The following EDA2R variants were observed in gnomAD, a reference collection of about 807,000 sequenced individuals.
The protein encoded by EDA2R is tumor necrosis factor receptor superfamily member 27.
Under a neutral mutation model 20.1 loss-of-function variants are expected in EDA2R, and 26 were observed. That is an observed-to-expected ratio of 1.30 (90% CI 0.95 to 1.80). EDA2R has a LOEUF of 1.80. EDA2R is among the 40% of genes most tolerant of loss of function. EDA2R has a pLI of 0.00. For missense variants in EDA2R, 277 were observed against 228.7 expected (o/e 1.21, Z -1.36); for synonymous variants, 114 against 88.7 (o/e 1.29, Z -1.60).
At chrX:66,611,696 A>G (rs1930766778) in intron 2 of EDA2R, among the ~76,000 whole-genome samples, 1 of 111,294 alleles carries the variant, frequency 9.0e-6, no homozygotes, top group Admixed American at 9.6e-5. Flanking sequence ...CTATGAGACT[A>G]TAACAAAATA....
chrX:66,618,603 G>A (rs936358693), intron 1 of EDA2R, among the ~76,000 whole-genome samples: 7 of 112,019 alleles, frequency 6.2e-5, no homozygotes, highest in Non-Finnish European at 1.1e-4. Context: ...GTTCCCAAGA[G>A]TAGAGACCAC....
intron 1 of EDA2R, among the ~76,000 whole-genome samples, chrX:66,620,306 C>G (rs1047261021): frequency 9.0e-6 from 1 of 111,261 alleles, no homozygotes; most frequent in African/African-American, 3.3e-5. Context: ...ATACTATGGT[C>G]AATGGATTTT....
At position 66,597,796 on chromosome X, in the gene EDA2R, C is replaced by T. The variant is rs1927724090; in HGVS notation, c.*308G>A. The T allele has an allele frequency of 6.9e-6, 1 of 145,612 alleles. No individual in the cohort carries two copies. The highest frequency in any genetic ancestry group is 3.1e-5 in the African/African-American group (1 of 31,860). 12.0% of individuals were successfully genotyped at this position (145,612 alleles called of 1,213,427 possible). A position where few individuals can be genotyped will look rare whatever the true frequency, so the allele number is the denominator to read the frequency against. On this transcript the variant is annotated 3_prime_UTR_variant, in exon 7 of 7. Transcript: ENST00000374719. ...GACCAAAAATGCAGACATGAAAACCCTACCCCATTCACTGTCCTCTCTCCT... is the reference window on the plus strand; with the variant it reads ...GACCAAAAATGCAGACATGAAAACCTTACCCCATTCACTGTCCTCTCTCCT...
At chrX:66,637,289 C>T (rs1463377711) in intron 1 of EDA2R, among the ~76,000 whole-genome samples, 1 of 111,976 alleles carries the variant, frequency 8.9e-6, no homozygotes, top group Non-Finnish European at 1.9e-5. Context: ...CACCTCCTTT[C>T]TATTCCCACA....
chrX:66,598,507 A>G (rs5965275), intron 6 of EDA2R, among the ~76,000 whole-genome samples: 7,634 of 111,308 alleles, frequency 0.069, 646 homozygotes, highest in African/African-American at 0.24. Flanking sequence ...ACTGTAATAT[A>G]CATTGAGAAG....
intron 6 of EDA2R, 104 bp from the exon 7 acceptor site, chrX:66,598,197 T>C: frequency 4.0e-6 from 1 of 251,688 alleles, no homozygotes; most frequent in Non-Finnish European, 7.2e-6. Context: ...TGGTTGAGGA[T>C]GTAATAGCAG....
chrX:66,615,301 T>C (rs1931479018), intron 2 of EDA2R, among the ~76,000 whole-genome samples: 1 of 111,897 alleles, frequency 8.9e-6, no homozygotes, highest in South Asian at 3.7e-4. Flanking sequence ...AACCATCTGC[T>C]AGCTGCTTGC....
At chrX:66,637,754 A>G (rs983127297) in intron 1 of EDA2R, among the ~76,000 whole-genome samples, 6 of 112,416 alleles carry the variant, frequency 5.3e-5, no homozygotes, top group Admixed American at 2.8e-4. Context: ...TGGGCCAGCC[A>G]CTGTGCTAAG....
rs1289379894 is a variant in EDA2R, at chrX:66,605,244, T to C, written c.88-18A>G. 3.4e-6 allele frequency: 4 copies of C among 1,184,364 alleles called. No individual in the cohort carries two copies. The Admixed American group carries it at 9.2e-5, about 27-fold the overall frequency. The stretch of plus-strand genomic sequence containing the variant: ...CCACAATCCTGTAGACAGATGGGGG[T>C]TGTTAATATTGCTTTATAGGAGCTT... On this transcript the variant is annotated intron_variant, in intron 2 of 6. Coordinates refer to ENST00000374719, the MANE Select transcript of EDA2R (RefSeq NM_021783.5).
intron 2 of EDA2R, among the ~76,000 whole-genome samples, chrX:66,608,494 C>G (rs1930100717): frequency 8.9e-6 from 1 of 112,046 alleles, no homozygotes; most frequent in African/African-American, 3.2e-5. Context: ...AGATTCAAAG[C>G]ATATTTCTCA....
intron 5 of EDA2R, among the ~76,000 whole-genome samples, chrX:66,601,032 AC>A (rs1928496125): frequency 9.0e-6 from 1 of 111,664 alleles, no homozygotes; most frequent in Admixed American, 9.5e-5. Context: ...CATACATCTC[AC>A]CCCAGTATGT....
chrX:66,636,163 A>G (rs901001219), intron 1 of EDA2R, among the ~76,000 whole-genome samples: 3 of 111,937 alleles, frequency 2.7e-5, no homozygotes, highest in Admixed American at 9.5e-5. Flanking sequence ...TGCCTCCTAA[A>G]GTGCTGGGAT....
rs192069489 is a variant in EDA2R, at chrX:66,618,012, G to A, written c.-10-1982C>T. Among the ~76,000 whole-genome samples the A allele has an allele frequency of 6.6e-3, 723 of 110,159 alleles. 4 individuals carry two copies. Among genetic ancestry groups the A allele is most frequent in the African/African-American group, 0.023 (697 of 30,260 alleles). ...AGTGATTTTCCTGCCTCAGCCTCCCGAGTAGCTGGGATTACAGGAGCATGC... is the reference window on the plus strand; with the variant it reads ...AGTGATTTTCCTGCCTCAGCCTCCCAAGTAGCTGGGATTACAGGAGCATGC... On this transcript the variant is annotated intron_variant, in intron 1 of 6. Coordinates refer to ENST00000374719, the MANE Select transcript of EDA2R (RefSeq NM_021783.5).
At position 66,605,047 on chromosome X, in the gene EDA2R, C is replaced by A; in HGVS notation, c.266+1G>T. 1.7e-6 allele frequency: 2 copies of A among 1,197,892 alleles called. No individual in the cohort carries two copies. The highest frequency in any genetic ancestry group is 2.3e-6 in the Non-Finnish European group (2 of 888,351). ...AGCTTGGTCTCATAAAGCAAGCTCA[C>A]CTGGGCAAACAGTCCCCACAGACAG... is the stretch of plus-strand genomic sequence containing the variant. On this transcript the variant is annotated splice_donor_variant, in intron 3 of 6. Coordinates refer to ENST00000374719, the MANE Select transcript of EDA2R (RefSeq NM_021783.5). LOFTEE classifies it high-confidence loss of function.
At chrX:66,612,008 C>T (rs1454621292) in intron 2 of EDA2R, among the ~76,000 whole-genome samples, 1 of 111,463 alleles carries the variant, frequency 9.0e-6, no homozygotes, top group Middle Eastern at 4.6e-3. Flanking sequence ...GCCATGGAAG[C>T]CAAGAAGGAA....
intron 5 of EDA2R, among the ~76,000 whole-genome samples, chrX:66,602,265 G>A (rs1054077294): frequency 9.0e-6 from 1 of 111,476 alleles, no homozygotes; most frequent in African/African-American, 3.3e-5. Context: ...TTAAAGATTA[G>A]GAAGAAAGAG....
Position 66,596,795 on chromosome X carries a change from C to T in EDA2R, c.*1309G>A, listed in dbSNP as rs1282490925. On this transcript the variant is annotated 3_prime_UTR_variant, in exon 7 of 7. Transcript: ENST00000374719. ...AAACAGGAAACCTAAAGGCCAAGGC[C>T]TAAAACCTTGGTTACCACATATTTG... 1 of 112,299 alleles carries T rather than the reference C, an allele frequency of 8.9e-6. No homozygotes were observed. The highest frequency in any genetic ancestry group is 1.9e-5 in the Non-Finnish European group (1 of 53,262). The allele number at this position is 112,299 out of a possible 1,213,427, so 9.3% of individuals were successfully genotyped here. A position where few individuals can be genotyped will look rare whatever the true frequency, so the allele number is the denominator to read the frequency against.
rs1336959911 is a variant in EDA2R, at chrX:66,602,789, G to A, written c.361C>T (p.Gln121Ter). The A allele has an allele frequency of 2.5e-6, 3 of 1,185,865 alleles. No homozygotes were observed. Among genetic ancestry groups the A allele is most frequent in the Non-Finnish European group, 3.4e-6 (3 of 882,709 alleles). Residue 121 changes from glutamine to a stop codon, truncating the protein, a stop_gained, in exon 5 of 7, where the codon CAG (glutamine) becomes TAG (stop). Transcript: ENST00000374719. LOFTEE classifies it high-confidence loss of function. ...GTATCTGCCTCCACTAAGCTCAACT[G>A]GAAGGCACCTGTGAGACAAAAAAAT... ...TPTSEVQCAF[Q>*]LSLVEADTPT...
chrX:66,603,431 C>G (rs1367210821), intron 4 of EDA2R, among the ~76,000 whole-genome samples: 1 of 111,150 alleles, frequency 9.0e-6, no homozygotes, highest in Non-Finnish European at 1.9e-5. Flanking sequence ...CATCAGAGTA[C>G]TTCTGGCCAA....
Sources: gnomAD v4.1 joint callset for allele counts (sites outside exome capture counted in the v4.1 genomes callset) on GRCh38, gnomAD v4.1.1 for gene constraint, MANE v1.5 for transcripts, NCBI Gene and HGNC (gene_info 2026-07-23, HGNC 2026-07-21) for gene names.